SLCO3A1: variants seen among roughly 807,000 people sequenced by gnomAD.
SLCO3A1 encodes the protein PGE1 transporter.
SLCO3A1 carries 27 observed loss-of-function variants against 63.1 expected under a neutral mutation model. The ratio of observed to expected loss-of-function variants is 0.43; its 90% CI spans 0.32 to 0.59. SLCO3A1 has a LOEUF of 0.59. Ranked by LOEUF, SLCO3A1 falls within the 20% of genes least tolerant of loss-of-function variation. The probability of loss-of-function intolerance (pLI) is 0.09; values close to 1 mark genes in which losing one functional copy is unlikely to be tolerated. For synonymous variants in SLCO3A1, 473 were observed against 409.9 expected, an observed-to-expected ratio of 1.15 and a Z score of -1.86; for missense variants, 773 against 945.8, an observed-to-expected ratio of 0.82 and a Z score of 2.40.
intron 2 of SLCO3A1, among the ~76,000 whole-genome samples, chr15:92,053,684 G>GTTTTTTTTTT (rs1567092399): frequency 2.7e-4 from 4 of 14,920 alleles, no homozygotes; most frequent in Non-Finnish European, 1.2e-3. Flanking sequence ...TTGTTTTTTT[G>GTTTTTTTTTT]TTTGTTTGTT....
intron 2 of SLCO3A1, among the ~76,000 whole-genome samples, chr15:92,032,069 G>A (rs999638045): frequency 9.2e-5 from 14 of 152,206 alleles, no homozygotes; most frequent in Non-Finnish European, 1.5e-4. Flanking sequence ...GTTGTTGGTA[G>A]TGATATTCAG....
At chr15:92,143,740 G>A (rs896671981) in intron 7 of SLCO3A1, among the ~76,000 whole-genome samples, 11 of 151,434 alleles carry the variant, frequency 7.3e-5, no homozygotes, top group African/African-American at 2.7e-4. Flanking sequence ...TGGAGGGAAA[G>A]GAGTTTGGAG....
intron 2 of SLCO3A1, among the ~76,000 whole-genome samples, chr15:92,006,369 T>G (rs1016489361): frequency 3.9e-5 from 6 of 152,202 alleles, no homozygotes; most frequent in Non-Finnish European, 8.8e-5. Flanking sequence ...TGACCTTTGT[T>G]AGAATGAATG....
intron 2 of SLCO3A1, among the ~76,000 whole-genome samples, chr15:92,054,539 A>T (rs2097237885): frequency 6.6e-6 from 1 of 152,042 alleles, no homozygotes; most frequent in African/African-American, 2.4e-5. Flanking sequence ...GGTTTGCTGC[A>T]CCTGTCAACC....
In SLCO3A1 at chr15:91,863,192, C is replaced by T. The variant is rs1897088221; in HGVS notation, c.180+9104C>T. On this transcript the variant is annotated intron_variant, in intron 1 of 9. Coordinates refer to ENST00000318445, the MANE Select transcript of SLCO3A1 (RefSeq NM_013272.4). The surrounding 1 kb of genome is among the most constrained non-coding windows in gnomAD (Gnocchi z 4.3). ...AAAATAAACAGTGGGGCTGATTAAT[C>T]TCTTTGTTGGCTTTTGGGTCAGAGA... 6.6e-6 allele frequency among the ~76,000 whole-genome samples: 1 copy of T among 152,348 alleles called. No individual in the cohort carries two copies. Among genetic ancestry groups the T allele is most frequent in the East Asian group, 1.9e-4 (1 of 5,190 alleles).
At chr15:92,050,411 C>T (rs1363618820) in intron 2 of SLCO3A1, among the ~76,000 whole-genome samples, 2 of 152,142 alleles carry the variant, frequency 1.3e-5, no homozygotes, top group Non-Finnish European at 2.9e-5. Context: ...TGAGCAGATG[C>T]GATGTTGTCA....
intron 2 of SLCO3A1, among the ~76,000 whole-genome samples, chr15:92,051,997 C>G (rs920144902): frequency 2.6e-5 from 4 of 152,158 alleles, no homozygotes; most frequent in Non-Finnish European, 5.9e-5. Context: ...CCAAATGACA[C>G]AGCTTTTGAG....
intron 3 of SLCO3A1, among the ~76,000 whole-genome samples, chr15:92,100,089 A>G (rs2047587170): frequency 6.6e-6 from 1 of 152,054 alleles, no homozygotes; most frequent in Non-Finnish European, 1.5e-5. Context: ...AAAAAACAAA[A>G]AAACGGAAAA....
rs1008743958 is a variant in SLCO3A1, at chr15:91,856,826, G to A, written c.180+2738G>A. ...TGGTTACAAATTCTATGCCAACGAT[G>A]TTATTTCCTATTAGATTCCCAGAGT... On this transcript the variant is annotated intron_variant, in intron 1 of 9. Transcript: ENST00000318445. The surrounding 1 kb of genome is among the most constrained non-coding windows in gnomAD (Gnocchi z 4.9). Among the ~76,000 whole-genome samples the A allele has an allele frequency of 6.6e-6, 1 of 152,136 alleles. No homozygotes were observed. The highest frequency in any genetic ancestry group is 2.4e-5 in the African/African-American group (1 of 41,418).
chr15:92,142,976 A>C (rs1188577753), intron 7 of SLCO3A1, among the ~76,000 whole-genome samples: 1 of 152,074 alleles, frequency 6.6e-6, no homozygotes, highest in African/African-American at 2.4e-5. Context: ...CTCACCGATC[A>C]CATGGCTCAT....
At position 91,886,577 on chromosome 15, in the gene SLCO3A1, G is replaced by A. The variant is rs751078759; in HGVS notation, c.181-29416G>A. Among the ~76,000 whole-genome samples, 3 of 152,200 alleles carry A rather than the reference G, an allele frequency of 2.0e-5. No homozygotes were observed. Among genetic ancestry groups the A allele is most frequent in the Non-Finnish European group, 2.9e-5 (2 of 68,040 alleles). The stretch of plus-strand genomic sequence containing the variant: ...AAGATTCAGCCTCAGCGTCAGTGTT[G>A]TTTCTACGGTGTGACCATATTTGAT... On this transcript the variant is annotated intron_variant, in intron 1 of 9. Coordinates refer to ENST00000318445, the MANE Select transcript of SLCO3A1 (RefSeq NM_013272.4). This position sits in a 1 kb window ranked among gnomAD's most constrained non-coding sequence, Gnocchi z 4.9.
At chr15:92,058,010 G>GA (rs2047041845) in intron 2 of SLCO3A1, among the ~76,000 whole-genome samples, 1 of 152,148 alleles carries the variant, frequency 6.6e-6, no homozygotes, top group Admixed American at 6.5e-5. Flanking sequence ...TCCCAGGTGA[G>GA]GAAACAAGAA....
At chr15:92,140,454 G>C (rs1212386125) in intron 7 of SLCO3A1, among the ~76,000 whole-genome samples, 1 of 151,562 alleles carries the variant, frequency 6.6e-6, no homozygotes, top group African/African-American at 2.4e-5. Flanking sequence ...CGTATATTCT[G>C]TTGATTTGGG....
At chr15:92,118,023 TC>T (rs922468609) in intron 4 of SLCO3A1, among the ~76,000 whole-genome samples, 3 of 152,216 alleles carry the variant, frequency 2.0e-5, no homozygotes, top group Non-Finnish European at 4.4e-5. Flanking sequence ...AAATGATATT[TC>T]TAAAAATTCA....
intron 9 of SLCO3A1, among the ~76,000 whole-genome samples, chr15:92,157,803 C>T (rs372574712): frequency 2.0e-5 from 3 of 152,182 alleles, no homozygotes; most frequent in East Asian, 3.9e-4. Flanking sequence ...AGCGCCCACC[C>T]TGTGAGGGCT....
intron 2 of SLCO3A1, among the ~76,000 whole-genome samples, chr15:92,048,611 C>G (rs1439323305): frequency 6.6e-6 from 1 of 152,174 alleles, no homozygotes; most frequent in Non-Finnish European, 1.5e-5. Flanking sequence ...CACATGTCTG[C>G]TGGGGAGGTA....
At chr15:92,124,129 C>A (rs2047894035) in intron 5 of SLCO3A1, among the ~76,000 whole-genome samples, 1 of 152,160 alleles carries the variant, frequency 6.6e-6, no homozygotes, top group South Asian at 2.1e-4. Flanking sequence ...CAGCACTGGC[C>A]CCCCTTCCAC....
chr15:91,915,602 T>C lies in SLCO3A1; in HGVS notation c.181-391T>C, dbSNP rs545203760. On this transcript the variant is annotated intron_variant, in intron 1 of 9. Coordinates refer to ENST00000318445, the MANE Select transcript of SLCO3A1 (RefSeq NM_013272.4). ...GTCTTCCTGGCATGGACTTTATCCC[T>C]AGTATATATTTGGGAGTGTGTGCAA... Among the ~76,000 whole-genome samples the C allele has an allele frequency of 3.9e-5, 6 of 152,262 alleles. No individual in the cohort carries two copies. The South Asian group carries it at 1.2e-3, about 32-fold the overall frequency.
intron 2 of SLCO3A1, among the ~76,000 whole-genome samples, chr15:92,068,394 G>C (rs914747664): frequency 4.0e-5 from 6 of 150,610 alleles, no homozygotes; most frequent in Non-Finnish European, 7.4e-5. Context: ...TTCAGAAAAG[G>C]GAAGCAGAAT....
Sources: gnomAD v4.1 joint callset for allele counts (sites outside exome capture counted in the v4.1 genomes callset) on GRCh38, gnomAD v4.1.1 for gene constraint, Gnocchi (gnomAD v3.1) non-coding constraint, MANE v1.5 for transcripts, NCBI Gene and HGNC (gene_info 2026-07-23, HGNC 2026-07-21) for gene names.